Variants in SCYL1 observed in about 807,000 individuals in gnomAD.
The protein encoded by SCYL1 is SCY1 like pseudokinase 1, also known as N-terminal kinase-like protein.
A neutral mutation model predicts 94.8 loss-of-function variants in SCYL1; 85 were observed. The observed-to-expected ratio is 0.90, with a 90% CI of 0.75 to 1.07. The LOEUF is 1.07. SCYL1 is among the 50% of genes least tolerant of loss of function. SCYL1 has a pLI of 0.00. For synonymous variants in SCYL1, 459 were observed against 435.5 expected (o/e 1.05, Z -0.67); for missense variants, 968 against 1,083.3 (o/e 0.89, Z 1.49).
intron 6 of SCYL1, among the ~76,000 whole-genome samples, chr11:65,528,587 C>T (rs1855209362): frequency 1.3e-5 from 2 of 151,974 alleles, no homozygotes; most frequent in Admixed American, 6.6e-5. Context: ...GGAGAAACCC[C>T]GTCTCTACTA....
At chr11:65,528,019 G>T (rs1032873271) in intron 6 of SCYL1, among the ~76,000 whole-genome samples, 1 of 152,186 alleles carries the variant, frequency 6.6e-6, no homozygotes, top group South Asian at 2.1e-4. Context: ...GCTGCAGGGG[G>T]GTGGGCAGCA....
chr11:65,536,402 A>G, intron 12 of SCYL1, 68 bp downstream of exon 12: 1 of 1,542,222 alleles, frequency 6.5e-7, no homozygotes, highest in Non-Finnish European at 8.9e-7. Flanking sequence ...TTTGTGTCCC[A>G]CCCCCACTGG....
At position 65,525,199 on chromosome 11, in the gene SCYL1, C is replaced by A. The variant is rs758829284; in HGVS notation, c.46C>A (p.Leu16Ile). Reference sequence around the variant, plus strand: ...CCCGGTCCGGGACTTTCCGTTCGAGCTCATCCCGGAGCCCCCAGAGGGCGG... The same window carrying A: ...CCCGGTCCGGGACTTTCCGTTCGAGATCATCCCGGAGCCCCCAGAGGGCGG... ...RDPVRDFPFE[L>I]IPEPPEGGLP... Residue 16 changes from leucine (L) to isoleucine (I), a missense_variant, in exon 1 of 18, where the codon CTC becomes ATC. Leu to Ile is a conservative substitution (Grantham distance 5). Coordinates refer to ENST00000270176, the MANE Select transcript of SCYL1 (RefSeq NM_020680.4). 1.4e-6 allele frequency: 2 copies of A among 1,457,606 alleles called. No individual in the cohort carries two copies. The highest frequency in any genetic ancestry group is 5.4e-5 in the Admixed American group (2 of 37,070). 90.3% of individuals were successfully genotyped at this position (1,457,606 alleles called of 1,614,324 possible).
intron 8 of SCYL1, among the ~76,000 whole-genome samples, chr11:65,532,359 A>G (rs1855420491): frequency 6.8e-6 from 1 of 146,574 alleles, no homozygotes; most frequent in Non-Finnish European, 1.5e-5. Context: ...TGGGAGGCAG[A>G]GGTTTCAGTG....
At chr11:65,537,451 G>A (rs924068124) in intron 14 of SCYL1, among the ~76,000 whole-genome samples, 13 of 152,138 alleles carry the variant, frequency 8.5e-5, no homozygotes, top group Non-Finnish European at 1.9e-4. Flanking sequence ...CCACTCCTGG[G>A]TCTAGAACCA....
intron 6 of SCYL1, among the ~76,000 whole-genome samples, chr11:65,529,935 A>T (rs553102396): frequency 6.6e-6 from 1 of 152,264 alleles, no homozygotes; most frequent in African/African-American, 2.4e-5. Context: ...CTACCTGGTA[A>T]AGTTGTGAAG....
chr11:65,530,373 A>G (rs1166435857), intron 6 of SCYL1, among the ~76,000 whole-genome samples: 3 of 152,208 alleles, frequency 2.0e-5, no homozygotes, highest in Non-Finnish European at 2.9e-5. Flanking sequence ...CCCACCGAGC[A>G]TCTGCCGTGT....
At position 65,525,689 on chromosome 11, in the gene SCYL1, T is replaced by C; in HGVS notation, c.227T>C (p.Ile76Thr). Residue 76 changes from isoleucine (I) to threonine (T), a missense_variant, in exon 2 of 18, where the codon ATC (isoleucine) becomes ACC (threonine). Ile to Thr is a moderately conservative substitution (Grantham distance 89). Transcript: ENST00000270176. ...KRFKTLRHPN[I>T]LAYIDGLETE... ...TTCAAAACTCTACGGCACCCCAACA[T>C]CCTGGCTTACATCGATGGACTGGAG... The C allele has an allele frequency of 6.2e-7, 1 of 1,612,726 alleles. No individual in the cohort carries two copies. Among genetic ancestry groups the C allele is most frequent in the Non-Finnish European group, 8.5e-7 (1 of 1,179,928 alleles).
At chr11:65,532,668 G>A (rs1319117714) in intron 8 of SCYL1, 24 bp from the exon 9 acceptor site, 1 of 1,578,202 alleles carries the variant, frequency 6.3e-7, no homozygotes. Context: ...TGACCATGTT[G>A]ACGCATCCCA....
At chr11:65,535,048 A>G in intron 9 of SCYL1, 179 bp from the exon 10 acceptor site, 1 of 698,766 alleles carries the variant, frequency 1.4e-6, no homozygotes, top group Non-Finnish European at 2.3e-6. Flanking sequence ...TTTGCTGTAA[A>G]GGGGGACAGA....
At position 65,526,722 on chromosome 11, in the gene SCYL1, C is replaced by A; in HGVS notation, c.603-61C>A. On this transcript the variant is annotated intron_variant, in intron 4 of 17. Coordinates refer to ENST00000270176, the MANE Select transcript of SCYL1 (RefSeq NM_020680.4). This position sits in a 1 kb window ranked among gnomAD's most constrained non-coding sequence, Gnocchi z 4.1. ...TGCAGTGGGTGCCTGGTGCCCAAGGCAGGCTGGAGGCCTGTGCAGGTGGTT... is the reference window on the plus strand; with the variant it reads ...TGCAGTGGGTGCCTGGTGCCCAAGGAAGGCTGGAGGCCTGTGCAGGTGGTT... 2.0e-6 allele frequency: 3 copies of A among 1,524,784 alleles called. No homozygotes were observed. The highest frequency in any genetic ancestry group is 1.2e-5 in the South Asian group (1 of 86,558). The allele number at this position is 1,524,784 out of a possible 1,614,324, so 94.5% of individuals were successfully genotyped here.
intron 7 of SCYL1, among the ~76,000 whole-genome samples, 188 bp downstream of exon 7, chr11:65,530,975 C>T (rs1387750600): frequency 6.6e-6 from 1 of 152,124 alleles, no homozygotes; most frequent in East Asian, 1.9e-4. Context: ...CGCTAAAATC[C>T]TTTTTTCCAC....
intron 16 of SCYL1, 35 bp from the exon 17 acceptor site, chr11:65,538,235 G>A: frequency 6.4e-7 from 1 of 1,555,182 alleles, no homozygotes; most frequent in Non-Finnish European, 8.7e-7. Flanking sequence ...TCAGCCAGAA[G>A]TGGGCCCCAC....
In SCYL1 at chr11:65,525,099, G is replaced by C; in HGVS notation, c.-55G>C. ...CCCCTCTCCGCCCCGCCCCGGCTCG[G>C]GCGGCCGGAGGACCCGGAGCTAAGG... is the stretch of plus-strand genomic sequence containing the variant. On this transcript the variant is annotated 5_prime_UTR_variant, in exon 1 of 18. Transcript: ENST00000270176. 1.7e-6 allele frequency: 2 copies of C among 1,208,824 alleles called. No individual in the cohort carries two copies. The highest frequency in any genetic ancestry group is 2.1e-6 in the Non-Finnish European group (2 of 942,456). 74.9% of individuals were successfully genotyped at this position (1,208,824 alleles called of 1,614,324 possible).
intron 7 of SCYL1, 109 bp from the exon 8 acceptor site, chr11:65,531,467 C>A: frequency 1.3e-6 from 1 of 768,848 alleles, no homozygotes; most frequent in Non-Finnish European, 2.2e-6. Context: ...CCCCCCCCTC[C>A]GCCATCACTT....
chr11:65,531,458 C>A (rs1023683320), intron 7 of SCYL1, 118 bp from the exon 8 acceptor site: 3 of 729,638 alleles, frequency 4.1e-6, no homozygotes, highest in Middle Eastern at 2.7e-4. Context: ...AAATGCCTGC[C>A]CCCCCCTCCG....
intron 7 of SCYL1, 132 bp downstream of exon 7, chr11:65,530,919 T>C: frequency 1.0e-6 from 1 of 982,584 alleles, no homozygotes; most frequent in African/African-American, 1.6e-5. Flanking sequence ...CCAGTGTCTA[T>C]AAACAGGTAC....
At chr11:65,527,731 C>CAAAA (rs35335117) in intron 6 of SCYL1, among the ~76,000 whole-genome samples, 2 of 88,632 alleles carry the variant, frequency 2.3e-5, no homozygotes, top group Admixed American at 1.3e-4. Flanking sequence ...GACTTCGTCT[C>CAAAA]AAAAAAAAAA....
In SCYL1 at chr11:65,538,703, C is replaced by T. The variant is rs1855872849; in HGVS notation, c.*137C>T. 8.4e-7 allele frequency: 1 copy of T among 1,193,762 alleles called. No individual in the cohort carries two copies. Among genetic ancestry groups the T allele is most frequent in the Admixed American group, 2.7e-5 (1 of 37,602 alleles). 73.9% of individuals were successfully genotyped at this position (1,193,762 alleles called of 1,614,324 possible). ...CAGAGCCACAATAAATTCTATTTCA[C>T]ACCCCTTGTGCCGGGCTCAGTCTAG... is the stretch of plus-strand genomic sequence containing the variant. On this transcript the variant is annotated 3_prime_UTR_variant, in exon 18 of 18. Coordinates refer to ENST00000270176, the MANE Select transcript of SCYL1 (RefSeq NM_020680.4).
Sources: allele counts gnomAD v4.1 joint callset (sites outside exome capture counted in the v4.1 genomes callset), GRCh38; gene constraint gnomAD v4.1.1; non-coding constraint Gnocchi (gnomAD v3.1); transcripts MANE v1.5; gene names NCBI Gene and HGNC (gene_info 2026-07-23, HGNC 2026-07-21).